The following MCTP2 variants were observed in gnomAD, a reference collection of about 807,000 sequenced individuals.
MCTP2 encodes the protein multiple C2 and transmembrane domain-containing protein 2.
In MCTP2, 132 loss-of-function variants were observed where a neutral mutation model predicts 111.6. That is an observed-to-expected ratio of 1.18 (90% CI 1.03 to 1.37). The LOEUF is 1.37. MCTP2 is among the 40% of genes most tolerant of loss of function. MCTP2 has a pLI of 0.00. For missense variants in MCTP2, 1,183 were observed against 1,067.9 expected (o/e 1.11, Z -1.50); for synonymous variants, 395 against 387.7 (o/e 1.02, Z -0.22).
intron 3 of MCTP2, 139 bp from the exon 4 acceptor site, chr15:94,315,390 A>G (rs952056254): frequency 1.6e-6 from 1 of 610,146 alleles, no homozygotes. Flanking sequence ...CCAAGTTGTC[A>G]TAGTGAGGAG....
intron 2 of MCTP2, 86 bp from the exon 3 acceptor site, chr15:94,314,196 A>G (rs2076275450): frequency 2.2e-6 from 2 of 919,398 alleles, no homozygotes; most frequent in South Asian, 1.5e-5. Context: ...CAGATTTCCA[A>G]AGGAAAAGAC....
At position 94,341,995 on chromosome 15, in the gene MCTP2, A is replaced by T. The variant is rs1596408791; in HGVS notation, c.969+1071A>T. 3 of 152,244 alleles carry T rather than the reference A, an allele frequency of 2.0e-5. No individual in the cohort carries two copies. In the South Asian group the frequency reaches 6.2e-4, roughly 32 times the overall value. The allele number at this position is 152,244 out of a possible 1,614,324, so 9.4% of individuals were successfully genotyped here. On this transcript the variant is annotated intron_variant, in intron 7 of 22. Coordinates refer to ENST00000357742, the MANE Select transcript of MCTP2 (RefSeq NM_001385001.1). ...ATTGCTGCTGCATCCGTGACTCTGG[A>T]TTCAGTGTCAGTGATACAGTAGGTG...
At chr15:94,470,299 C>T (rs2073810513) in intron 20 of MCTP2, 34 bp from the exon 21 acceptor site, 1 of 1,404,882 alleles carries the variant, frequency 7.1e-7, no homozygotes, top group East Asian at 2.3e-5. Flanking sequence ...TGTTGAACAT[C>T]AGAGGAAATT....
At chr15:94,388,786 G>A (rs2080679458) in intron 14 of MCTP2, among the ~76,000 whole-genome samples, 1 of 152,180 alleles carries the variant, frequency 6.6e-6, no homozygotes, top group South Asian at 2.1e-4. Flanking sequence ...GGATACTGAA[G>A]CACCGAAAGG....
intron 1 of MCTP2, among the ~76,000 whole-genome samples, chr15:94,296,478 A>C (rs1180663359): frequency 6.6e-6 from 1 of 152,206 alleles, no homozygotes; most frequent in South Asian, 2.1e-4. Context: ...GTATTAGTCC[A>C]TTCAGTCCTC....
rs566744591 is a variant in MCTP2 at position 94,480,379 on chromosome 15, A to G, written c.*1345A>G. On this transcript the variant is annotated 3_prime_UTR_variant, in exon 23 of 23. Transcript: ENST00000357742. ...ATAATCTTCAAACAAAATGTTTACGAAAAATGCCAAAGATTCTAAATCTTA... is the reference window on the plus strand; with the variant it reads ...ATAATCTTCAAACAAAATGTTTACGGAAAATGCCAAAGATTCTAAATCTTA... The G allele has an allele frequency of 6.6e-6, 1 of 152,134 alleles. No individual in the cohort carries two copies. Among genetic ancestry groups the G allele is most frequent in the South Asian group, 2.1e-4 (1 of 4,814 alleles). 9.4% of individuals were successfully genotyped at this position (152,134 alleles called of 1,614,324 possible). A position where few individuals can be genotyped will look rare whatever the true frequency, so the allele number is the denominator to read the frequency against.
intron 1 of MCTP2, among the ~76,000 whole-genome samples, chr15:94,274,183 TA>T (rs35530286): frequency 0.11 from 16,750 of 150,892 alleles, 1,220 homozygotes; most frequent in Non-Finnish European, 0.16. Flanking sequence ...GGAAATGCTC[TA>T]AAAAAAAAGA....
intron 17 of MCTP2, among the ~76,000 whole-genome samples, chr15:94,428,516 G>T (rs564291636): frequency 2.0e-5 from 3 of 151,954 alleles, no homozygotes; most frequent in Non-Finnish European, 4.4e-5. Context: ...TTAGGGGAAG[G>T]GGGGCTTCCT....
chr15:94,313,375 C>T (rs2076234156), intron 2 of MCTP2, among the ~76,000 whole-genome samples: 2 of 152,140 alleles, frequency 1.3e-5, no homozygotes, highest in Admixed American at 6.6e-5. Flanking sequence ...GCCCTGTGGA[C>T]TCATTTCCTG....
intron 8 of MCTP2, among the ~76,000 whole-genome samples, chr15:94,354,251 CTG>C (rs2078480904): frequency 6.6e-6 from 1 of 151,906 alleles, no homozygotes; most frequent in African/African-American, 2.4e-5. Context: ...GTGTGTGTGT[CTG>C]TGTGTTTTAA....
In MCTP2 at chr15:94,356,287, A is replaced by C. The variant is rs1362915293; in HGVS notation, c.1156A>C (p.Arg386=). Reference sequence around the variant, plus strand: ...TGTCCAGTTAAAACTGGGAGATCAGAGGTATAAAAGTAAGGTAAGTTCCAT... The same window carrying C: ...TGTCCAGTTAAAACTGGGAGATCAGCGGTATAAAAGTAAGGTAAGTTCCAT... The part of the protein sequence containing the change: ...MFVQLKLGDQ[R]YKSKTLCKSA... Residue 386 remains arginine (R), a synonymous_variant, in exon 9 of 23, where the codon AGG becomes CGG. Coordinates refer to ENST00000357742, the MANE Select transcript of MCTP2 (RefSeq NM_001385001.1). 6.2e-7 allele frequency: 1 copy of C among 1,606,338 alleles called. No individual in the cohort carries two copies. Among genetic ancestry groups the C allele is most frequent in the African/African-American group, 1.3e-5 (1 of 74,564 alleles).
intron 4 of MCTP2, among the ~76,000 whole-genome samples, chr15:94,330,979 C>G (rs2077108411): frequency 6.6e-6 from 1 of 152,198 alleles, no homozygotes; most frequent in African/African-American, 2.4e-5. Context: ...AGCAATCCAC[C>G]TGCCTCGGCC....
At chr15:94,328,332 G>A (rs767729263) in intron 4 of MCTP2, among the ~76,000 whole-genome samples, 2 of 152,020 alleles carry the variant, frequency 1.3e-5, no homozygotes, top group Admixed American at 1.3e-4. Flanking sequence ...GTTTCACTGT[G>A]TTAGCCAGGA....
intron 17 of MCTP2, among the ~76,000 whole-genome samples, chr15:94,424,308 TG>T (rs2082770892): frequency 6.6e-6 from 1 of 152,122 alleles, no homozygotes; most frequent in Non-Finnish European, 1.5e-5. Flanking sequence ...ATTTTCATTT[TG>T]TTTTTTGGGT....
At chr15:94,270,760 C>G (rs996734430) in intron 1 of MCTP2, among the ~76,000 whole-genome samples, 1 of 152,186 alleles carries the variant, frequency 6.6e-6, no homozygotes, top group Non-Finnish European at 1.5e-5. Flanking sequence ...GGGGTGTTTT[C>G]CTGATGCATG....
chr15:94,464,259 A>ATATATAATATATATATATATATATAT (rs2085429122), intron 20 of MCTP2, among the ~76,000 whole-genome samples: 1 of 42,154 alleles, frequency 2.4e-5, no homozygotes, highest in Admixed American at 2.7e-4. Context: ...TATATATATT[A>ATATATAATATATATATATATATATAT]TATATATATA....
intron 1 of MCTP2, among the ~76,000 whole-genome samples, chr15:94,280,168 A>ACCAG (rs2152311891): frequency 6.6e-6 from 1 of 152,290 alleles, no homozygotes; most frequent in Admixed American, 6.5e-5. Flanking sequence ...TAGGATTGGT[A>ACCAG]CCAGCCCTTC....
intron 1 of MCTP2, among the ~76,000 whole-genome samples, chr15:94,243,350 C>A (rs867359675): frequency 6.7e-6 from 1 of 148,500 alleles, no homozygotes; most frequent in Non-Finnish European, 1.5e-5. Context: ...TATGTACATA[C>A]ATACGTATGC....
At chr15:94,384,203 ATTTT>A in intron 13 of MCTP2, 79 bp downstream of exon 13, 1 of 880,398 alleles carries the variant, frequency 1.1e-6, no homozygotes, top group Non-Finnish European at 1.8e-6. Flanking sequence ...TTTTCTGTCC[ATTTT>A]TATGGGCAAA....
Sources: gnomAD v4.1 joint callset for allele counts (sites outside exome capture counted in the v4.1 genomes callset) on GRCh38, gnomAD v4.1.1 for gene constraint, MANE v1.5 for transcripts, NCBI Gene and HGNC (gene_info 2026-07-23, HGNC 2026-07-21) for gene names.